Variants in PRKCZ observed in about 807,000 individuals in gnomAD.
PRKCZ encodes protein kinase C zeta.
PRKCZ carries 33 observed loss-of-function variants against 79.5 expected under a neutral mutation model. The ratio of observed to expected loss-of-function variants is 0.41; its 90% CI spans 0.31 to 0.55. PRKCZ has a LOEUF of 0.55. Among genes scored for constraint, PRKCZ ranks in the 20% least tolerant of loss-of-function variants. PRKCZ has a pLI of 0.19. For synonymous variants in PRKCZ, 342 were observed against 320.9 expected (o/e 1.07, Z -0.70); for missense variants, 578 against 813.5 (o/e 0.71, Z 3.52).
chr1:2,118,713 CTGTGTGTGTGTG>C (rs770283606), intron 4 of PRKCZ, among the ~76,000 whole-genome samples: 2 of 120,626 alleles, frequency 1.7e-5, no homozygotes, highest in South Asian at 3.2e-4. Context: ...CACACCAGCT[CTGTGTGTGTGTG>C]TGTGTGTGTG....
rs771601445 is a variant in PRKCZ at position 2,184,716 on chromosome 1, C to T, written c.1691+18C>T. The T allele has an allele frequency of 2.6e-5, 41 of 1,604,186 alleles. No homozygotes were observed. Among genetic ancestry groups the T allele is most frequent in the Middle Eastern group, 3.3e-4 (2 of 6,070 alleles). On this transcript the variant is annotated intron_variant, in intron 17 of 17. Coordinates refer to ENST00000378567, the MANE Select transcript of PRKCZ (RefSeq NM_002744.6). ...GACGATGAGTGAGTCCCACTGGGTG[C>T]GGGTCCCTGGAGCACCCCTCGGGCA...
At chr1:2,110,452 G>A (rs189696351) in intron 4 of PRKCZ, among the ~76,000 whole-genome samples, 203 of 150,294 alleles carry the variant, frequency 1.4e-3, no homozygotes, top group African/African-American at 4.3e-3. Context: ...CTCCTGGGTC[G>A]CAGCTTCATG....
chr1:2,174,955 AT>A lies in PRKCZ; in HGVS notation c.1485+126del. On this transcript the variant is annotated intron_variant, in intron 15 of 17. Transcript: ENST00000378567. This position sits in a 1 kb window ranked among gnomAD's most constrained non-coding sequence, Gnocchi z 6.2. ...TGCTGTGTATCGGGTGTGTGGGTTG[AT>A]TTTCCGCTTCAGTATTTGAGCTCTG... 9.6e-7 allele frequency: 1 copy of A among 1,040,790 alleles called. No homozygotes were observed. Among genetic ancestry groups the A allele is most frequent in the Non-Finnish European group, 1.4e-6 (1 of 693,662 alleles). The allele number at this position is 1,040,790 out of a possible 1,614,324, so 64.5% of individuals were successfully genotyped here.
At chr1:2,126,209 C>T (rs537491770) in intron 4 of PRKCZ, among the ~76,000 whole-genome samples, 1 of 152,336 alleles carries the variant, frequency 6.6e-6, no homozygotes, top group African/African-American at 2.4e-5. Context: ...CAATGGGAAA[C>T]TTTTCTTCAG....
At chr1:2,130,818 C>T (rs1674805428) in intron 4 of PRKCZ, among the ~76,000 whole-genome samples, 3 of 152,120 alleles carry the variant, frequency 2.0e-5, no homozygotes, top group Admixed American at 6.5e-5. Context: ...GCCGTCTGGG[C>T]ACCATGGCCC....
intron 6 of PRKCZ, 138 bp from the exon 7 acceptor site, chr1:2,145,889 C>T (rs11584641): frequency 1.4e-6 from 1 of 702,108 alleles, no homozygotes; most frequent in Non-Finnish European, 2.4e-6. Context: ...GCTCTCCAGC[C>T]TGGATGATGA....
chr1:2,180,231 C>G (rs1686290280), intron 16 of PRKCZ, among the ~76,000 whole-genome samples: 1 of 152,204 alleles, frequency 6.6e-6, no homozygotes, highest in Admixed American at 6.5e-5. Context: ...CGTGGGGCCT[C>G]TAGCTGGAGC....
In PRKCZ at chr1:2,185,043, T is replaced by C; in HGVS notation, c.*34T>C. ...GCGTCTCTGTCGTGGACACGCGTGATTGACCCTTTAACTGTATCCTTAACC... is the reference window on the plus strand; with the variant it reads ...GCGTCTCTGTCGTGGACACGCGTGACTGACCCTTTAACTGTATCCTTAACC... On this transcript the variant is annotated 3_prime_UTR_variant, in exon 18 of 18. Transcript: ENST00000378567. 1 of 1,565,562 alleles carries C rather than the reference T, an allele frequency of 6.4e-7. No homozygotes were observed. Among genetic ancestry groups the C allele is most frequent in the East Asian group, 2.3e-5 (1 of 44,070 alleles).
chr1:2,125,417 CAG>C lies in PRKCZ; in HGVS notation c.335-9844_335-9843del, dbSNP rs1292679253. On this transcript the variant is annotated intron_variant, in intron 4 of 17. Coordinates refer to ENST00000378567, the MANE Select transcript of PRKCZ (RefSeq NM_002744.6). The surrounding 1 kb of genome is among the most constrained non-coding windows in gnomAD (Gnocchi z 4.2). ...ATGTAATTCCTTCCCAAACATCTCT[CAG>C]GGGCACTTTCCTGAACGGCTGCTGA... Among the ~76,000 whole-genome samples, 3 of 152,220 alleles carry C rather than the reference CAG, an allele frequency of 2.0e-5. No homozygotes were observed. Among genetic ancestry groups the C allele is most frequent in the Non-Finnish European group, 2.9e-5 (2 of 68,048 alleles).
At chr1:2,156,565 G>A (rs1023483153) in intron 10 of PRKCZ, 1 of 191,858 alleles carries the variant, frequency 5.2e-6, no homozygotes, top group African/African-American at 2.3e-5. Flanking sequence ...GAGTTATTAA[G>A]TATGTTCTGC....
intron 4 of PRKCZ, among the ~76,000 whole-genome samples, chr1:2,109,895 G>C (rs146591292): frequency 1.2e-3 from 189 of 152,358 alleles, no homozygotes; most frequent in African/African-American, 4.2e-3. Flanking sequence ...GTGGACTCCA[G>C]AAATGTCCAG....
At chr1:2,161,270 C>T (rs1682236967) in intron 10 of PRKCZ, among the ~76,000 whole-genome samples, 1 of 152,248 alleles carries the variant, frequency 6.6e-6, no homozygotes, top group African/African-American at 2.4e-5. Flanking sequence ...CACCCTAAAC[C>T]CTAGCACTTC....
At chr1:2,116,922 T>C (rs1571515490) in intron 4 of PRKCZ, among the ~76,000 whole-genome samples, 1 of 152,090 alleles carries the variant, frequency 6.6e-6, no homozygotes, top group South Asian at 2.1e-4. Context: ...CGTGAACATA[T>C]CTTTAGGCCT....
At chr1:2,088,252 C>T (rs988301334) in intron 4 of PRKCZ, among the ~76,000 whole-genome samples, 2 of 152,258 alleles carry the variant, frequency 1.3e-5, no homozygotes, top group East Asian at 3.9e-4. Context: ...CCGTCTGTCC[C>T]TCGTCCTCCT....
chr1:2,152,242 T>C (rs971002385), intron 9 of PRKCZ, among the ~76,000 whole-genome samples: 1 of 152,158 alleles, frequency 6.6e-6, no homozygotes, highest in African/African-American at 2.4e-5. Flanking sequence ...TTTTAAAGTG[T>C]ACAGTTAGGG....
At chr1:2,072,909 T>A (rs978161217) in intron 4 of PRKCZ, among the ~76,000 whole-genome samples, 2 of 151,896 alleles carry the variant, frequency 1.3e-5, no homozygotes, top group Non-Finnish European at 2.9e-5. Context: ...GCCGAGTGCG[T>A]TTGGGGAAGT....
intron 16 of PRKCZ, 132 bp downstream of exon 16, chr1:2,175,445 CCA>C (rs1685280560): frequency 1.4e-6 from 1 of 716,864 alleles, no homozygotes; most frequent in Non-Finnish European, 2.3e-6. Context: ...AATATCCATC[CCA>C]ACCCCAAATT....
At chr1:2,134,943 G>C (rs572904860) in intron 4 of PRKCZ, 2 of 204,134 alleles carry the variant, frequency 9.8e-6, no homozygotes, top group African/African-American at 4.6e-5. Flanking sequence ...CCCGGCCTGC[G>C]TTGGCCTGGG....
At position 2,144,317 on chromosome 1, in the gene PRKCZ, C is replaced by A. The variant is rs1416811427; in HGVS notation, c.528C>A (p.Val176=). The A allele has an allele frequency of 6.3e-7, 1 of 1,576,546 alleles. No homozygotes were observed. Among genetic ancestry groups the A allele is most frequent in the Non-Finnish European group, 8.6e-7 (1 of 1,160,848 alleles). Residue 176 remains valine (V), a synonymous_variant, in exon 6 of 18, where the codon GTC becomes GTA. Transcript: ENST00000378567. ...LLVHKRCHGL[V]PLTCRKHMDS... ...TCCATAAGCGCTGCCACGGCCTCGT[C>A]CCGCTGACCTGCAGGAAGCATATGG...
Sources: gnomAD v4.1 joint callset for allele counts (sites outside exome capture counted in the v4.1 genomes callset) on GRCh38, gnomAD v4.1.1 for gene constraint, Gnocchi (gnomAD v3.1) non-coding constraint, MANE v1.5 for transcripts, NCBI Gene and HGNC (gene_info 2026-07-23, HGNC 2026-07-21) for gene names.